The following PTPRT variants were observed in gnomAD, a reference collection of about 807,000 sequenced individuals.
PTPRT encodes the protein protein tyrosine phosphatase receptor type T.
In PTPRT, 56 loss-of-function variants were observed where a neutral mutation model predicts 176.8. The observed-to-expected ratio is 0.32, with a 90% CI of 0.26 to 0.40. The LOEUF (loss-of-function observed/expected upper bound fraction) is 0.40. Ranked by LOEUF, PTPRT falls within the 10% of genes least tolerant of loss-of-function variation. The pLI is 1.00. For synonymous variants in PTPRT, 783 were observed against 739.0 expected (o/e 1.06, Z -0.96); for missense variants, 1,540 against 1,908.2 (o/e 0.81, Z 3.60).
chr20:42,033,259 A>G, the PTPRT span, among the ~76,000 whole-genome samples: 1 of 152,254 alleles, frequency 6.6e-6, no homozygotes, highest in Non-Finnish European at 1.5e-5. Context: ...CTTTAAGTCT[A>G]TAAATTCGGC....
intron 7 of PTPRT, among the ~76,000 whole-genome samples, chr20:42,503,769 T>A (rs969203818): frequency 6.6e-6 from 1 of 152,140 alleles, no homozygotes; most frequent in Non-Finnish European, 1.5e-5. Flanking sequence ...GTATCTGGTA[T>A]CTCCAAGCAT....
At chr20:42,412,290 A>C (rs2059026398) in intron 9 of PTPRT, among the ~76,000 whole-genome samples, 1 of 152,234 alleles carries the variant, frequency 6.6e-6, no homozygotes, top group Non-Finnish European at 1.5e-5. Context: ...TGTGAAGGAC[A>C]AAAAGCACAT....
At chr20:42,616,818 A>G (rs1270800115) in intron 7 of PTPRT, among the ~76,000 whole-genome samples, 1 of 136,492 alleles carries the variant, frequency 7.3e-6, no homozygotes, top group Middle Eastern at 3.5e-3. Context: ...AAGTTGCTTA[A>G]CAGCTTAAGG....
At position 42,716,746 on chromosome 20, in the gene PTPRT, T is replaced by C. The variant is rs531126027; in HGVS notation, c.860-38587A>G. 2.4e-4 allele frequency among the ~76,000 whole-genome samples: 37 copies of C among 152,304 alleles called. 1 individual carries two copies. In the South Asian group the frequency reaches 7.3e-3, roughly 30 times the overall value. On this transcript the variant is annotated intron_variant, in intron 6 of 30. Transcript: ENST00000373187. ...AAAGACACACGCACATGTATGTTTA[T>C]TGTGGCACTACTCACAATAGCAAAG...
chr20:42,104,066 T>C (rs543440436), intron 25 of PTPRT, among the ~76,000 whole-genome samples: 1 of 152,300 alleles, frequency 6.6e-6, no homozygotes, highest in South Asian at 2.1e-4. Context: ...CCAAAATCCA[T>C]GTCGTAATCT....
intron 7 of PTPRT, among the ~76,000 whole-genome samples, chr20:42,526,429 T>G (rs1410621102): frequency 6.6e-6 from 1 of 152,214 alleles, no homozygotes; most frequent in Non-Finnish European, 1.5e-5. Context: ...ATGGCCCCTT[T>G]GTTTCTGTGA....
At chr20:42,104,131 A>G (rs1986202266) in intron 25 of PTPRT, among the ~76,000 whole-genome samples, 1 of 152,194 alleles carries the variant, frequency 6.6e-6, no homozygotes, top group African/African-American at 2.4e-5. Context: ...CGTTTCGATC[A>G]TGAGCATAGA....
At chr20:42,217,081 C>T (rs1040784460) in intron 15 of PTPRT, among the ~76,000 whole-genome samples, 2 of 152,130 alleles carry the variant, frequency 1.3e-5, no homozygotes, top group African/African-American at 4.8e-5. Flanking sequence ...TCACCTCAAA[C>T]ATTACATCCA....
intron 29 of PTPRT, 21 bp from the exon 30 acceptor site, chr20:42,082,038 T>G: frequency 6.2e-7 from 1 of 1,613,918 alleles, no homozygotes. Flanking sequence ...AGCAAAGAGG[T>G]GAGCCATGTT....
chr20:42,539,361 CTT>C (rs71193665), intron 7 of PTPRT, among the ~76,000 whole-genome samples: 31 of 134,168 alleles, frequency 2.3e-4, no homozygotes, highest in African/African-American at 6.0e-4. Context: ...ATCACCATCA[CTT>C]TTTTTTTTTT....
intron 1 of PTPRT, among the ~76,000 whole-genome samples, chr20:42,893,114 A>G (rs2079224094): frequency 6.6e-6 from 1 of 152,186 alleles, no homozygotes; most frequent in African/African-American, 2.4e-5. Flanking sequence ...CAACCTACTC[A>G]TCTGACAAAG....
chr20:42,835,119 G>T (rs1161161613), intron 2 of PTPRT, among the ~76,000 whole-genome samples: 1 of 152,162 alleles, frequency 6.6e-6, no homozygotes, highest in Non-Finnish European at 1.5e-5. Context: ...ATGTGTCTGG[G>T]ATCTAAAGAG....
intron 2 of PTPRT, among the ~76,000 whole-genome samples, chr20:42,880,690 G>C (rs2079000164): frequency 1.3e-5 from 2 of 152,204 alleles, no homozygotes; most frequent in African/African-American, 4.8e-5. Context: ...AGGCAGGATA[G>C]ACAGCTAGAG....
intron 27 of PTPRT, among the ~76,000 whole-genome samples, chr20:42,092,638 G>A (rs2032255946): frequency 6.6e-6 from 1 of 152,216 alleles, no homozygotes; most frequent in Non-Finnish European, 1.5e-5. Flanking sequence ...TCAGACCTGA[G>A]GCTGGCTGAG....
intron 6 of PTPRT, among the ~76,000 whole-genome samples, chr20:42,684,628 T>C (rs2146093269): frequency 6.6e-6 from 1 of 152,290 alleles, no homozygotes; most frequent in African/African-American, 2.4e-5. Context: ...TTCTCTGAAA[T>C]ACCCAAAGGC....
intron 2 of PTPRT, among the ~76,000 whole-genome samples, chr20:42,839,915 G>A (rs1429700490): frequency 2.6e-5 from 4 of 152,174 alleles, no homozygotes; most frequent in Non-Finnish European, 4.4e-5. Flanking sequence ...AGACTTTTTA[G>A]ACAAACCCCA....
chr20:42,108,191 A>G (rs1986654634), intron 23 of PTPRT, among the ~76,000 whole-genome samples: 1 of 152,174 alleles, frequency 6.6e-6, no homozygotes, highest in Admixed American at 6.5e-5. Context: ...TGTTAGCTTC[A>G]GATTTCTGAT....
intron 7 of PTPRT, among the ~76,000 whole-genome samples, chr20:42,631,756 T>C (rs950692394): frequency 6.6e-6 from 1 of 152,072 alleles, no homozygotes; most frequent in African/African-American, 2.4e-5. Context: ...TGAAGAAGCT[T>C]GTGTAAATGA....
chr20:43,027,819 G>A (rs1220871550), intron 1 of PTPRT, among the ~76,000 whole-genome samples: 2 of 152,054 alleles, frequency 1.3e-5, no homozygotes, highest in African/African-American at 2.4e-5. Flanking sequence ...ACACAGCACC[G>A]ACAGCATTGA....
Sources: gnomAD v4.1 joint callset for allele counts (sites outside exome capture counted in the v4.1 genomes callset) on GRCh38, gnomAD v4.1.1 for gene constraint, MANE v1.5 for transcripts, NCBI Gene and HGNC (gene_info 2026-07-23, HGNC 2026-07-21) for gene names.